SEM1: variants seen among roughly 807,000 people sequenced by gnomAD.
SEM1 encodes the protein SEM1 26S proteasome subunit, also known as 26S proteasome complex subunit SEM1.
Under a neutral mutation model 12.7 loss-of-function variants are expected in SEM1, and 3 were observed. The ratio of observed to expected loss-of-function variants is 0.24; its 90% CI spans 0.11 to 0.61. The LOEUF is 0.61. Among genes scored for constraint, SEM1 ranks in the 20% least tolerant of loss-of-function variants. The pLI is 0.88. For synonymous variants in SEM1, 30 were observed against 27.8 expected, an observed-to-expected ratio of 1.08 and a Z score of -0.25; for missense variants, 59 against 81.3, an observed-to-expected ratio of 0.73 and a Z score of 1.06.
At chr7:96,638,656 AT>A (rs1236355819) in intron 2 of SEM1, among the ~76,000 whole-genome samples, 2 of 151,926 alleles carry the variant, frequency 1.3e-5, no homozygotes, top group Non-Finnish European at 2.9e-5. Context: ...ATCCATTATT[AT>A]TTCCCCATAG....
chr7:96,638,746 G>A (rs762409949), intron 2 of SEM1, among the ~76,000 whole-genome samples: 32 of 151,788 alleles, frequency 2.1e-4, no homozygotes, highest in Non-Finnish European at 3.7e-4. Flanking sequence ...ATTCAGGAGT[G>A]GATTCTGAAT....
intron 2 of SEM1, chr7:96,649,345 T>C (rs904837493): frequency 6.6e-6 from 1 of 151,400 alleles, no homozygotes; most frequent in Non-Finnish European, 1.5e-5. Flanking sequence ...ATTGATAATT[T>C]TTCTCCAAAA....
At chr7:96,493,936 C>T (rs138646985) in intron 1 of SEM1, among the ~76,000 whole-genome samples, 13 of 152,312 alleles carry the variant, frequency 8.5e-5, no homozygotes, top group East Asian at 5.8e-4. Flanking sequence ...CACAACCACA[C>T]GCTAAACTTC....
intron 2 of SEM1, among the ~76,000 whole-genome samples, chr7:96,665,657 T>C (rs906770727): frequency 3.9e-5 from 6 of 152,220 alleles, no homozygotes; most frequent in African/African-American, 1.4e-4. Flanking sequence ...CACTTAAATG[T>C]TGGTCTCCAG....
At chr7:96,518,504 C>T (rs1309930072) in intron 2 of SEM1, among the ~76,000 whole-genome samples, 1 of 152,106 alleles carries the variant, frequency 6.6e-6, no homozygotes, top group Admixed American at 6.5e-5. Context: ...GATACTGTGA[C>T]CACTGATGTG....
chr7:96,619,221 T>A (rs1807810206), downstream of SEM1, among the ~76,000 whole-genome samples: 1 of 152,158 alleles, frequency 6.6e-6, no homozygotes, highest in Non-Finnish European at 1.5e-5. Context: ...GTAGCAGTTG[T>A]CTGTTCTAAT....
At position 96,709,799 on chromosome 7, in the gene SEM1, A is replaced by G. The variant is rs771490918; in HGVS notation, c.-36T>C. The G allele has an allele frequency of 5.2e-5, 84 of 1,607,320 alleles. No homozygotes were observed. The highest frequency in any genetic ancestry group is 6.9e-5 in the Non-Finnish European group (81 of 1,174,548). Reference sequence around the variant, plus strand: ...CGCGCCCAACACCTCCCAGATAAGCAGAAAAGTTGGAACCCTCACTCTTCC... The same window carrying G: ...CGCGCCCAACACCTCCCAGATAAGCGGAAAAGTTGGAACCCTCACTCTTCC... On this transcript the variant is annotated 5_prime_UTR_variant, in exon 1 of 3. Coordinates refer to ENST00000248566, the MANE Select transcript of SEM1 (RefSeq NM_006304.2).
At chr7:96,701,229 T>A (rs146085667) in intron 1 of SEM1, among the ~76,000 whole-genome samples, 1 of 152,222 alleles carries the variant, frequency 6.6e-6, no homozygotes, top group East Asian at 1.9e-4. Context: ...ACTAAATCTT[T>A]GTACCCTGGC....
At chr7:96,516,082 G>A (rs1250829027) in intron 2 of SEM1, among the ~76,000 whole-genome samples, 11 of 151,508 alleles carry the variant, frequency 7.3e-5, no homozygotes, top group South Asian at 4.2e-4. Context: ...CCTTATATAC[G>A]TCACAAAAAT....
At chr7:96,594,660 G>T (rs1806940243) in intron 2 of SEM1, among the ~76,000 whole-genome samples, 1 of 152,104 alleles carries the variant, frequency 6.6e-6, no homozygotes. Flanking sequence ...CTAACACTGA[G>T]AAACAAATTT....
intron 2 of SEM1, among the ~76,000 whole-genome samples, chr7:96,576,242 T>A (rs1806200665): frequency 6.6e-6 from 1 of 152,210 alleles, no homozygotes; most frequent in African/African-American, 2.4e-5. Flanking sequence ...TATTCAGTTC[T>A]GCTGAAAGTT....
Position 96,707,093 on chromosome 7 carries a change from CTT to C in SEM1, c.76+2593_76+2594del, listed in dbSNP as rs532913378. ...CTTTAATGTTTTTTCAAACATCTCT[CTT>C]AGGAATCCTGGTAAAGCCCACACTG... On this transcript the variant is annotated intron_variant, in intron 1 of 2. Transcript: ENST00000248566. Among the ~76,000 whole-genome samples, 195 of 152,288 alleles carry C rather than the reference CTT, an allele frequency of 1.3e-3. 1 individual carries two copies. The highest frequency in any genetic ancestry group is 4.5e-3 in the African/African-American group (189 of 41,560).
intron 1 of SEM1, among the ~76,000 whole-genome samples, chr7:96,705,544 T>A (rs944806808): frequency 2.0e-5 from 3 of 152,142 alleles, no homozygotes; most frequent in Admixed American, 1.3e-4. Flanking sequence ...TTAAATAAAT[T>A]AGGCTGGGCG....
At chr7:96,701,610 T>C (rs930224218) in intron 1 of SEM1, among the ~76,000 whole-genome samples, 1 of 152,164 alleles carries the variant, frequency 6.6e-6, no homozygotes, top group Non-Finnish European at 1.5e-5. Flanking sequence ...TTCATGACTC[T>C]AATAAATATT....
chr7:96,680,148 T>C (rs2115688861), intron 2 of SEM1, among the ~76,000 whole-genome samples: 1 of 152,212 alleles, frequency 6.6e-6, no homozygotes, highest in Admixed American at 6.6e-5. Context: ...TATAGCCTCC[T>C]AGAGTTCCCA....
At chr7:96,709,569 G>A (rs530061738) in intron 1 of SEM1, 119 bp downstream of exon 1, 3 of 901,600 alleles carry the variant, frequency 3.3e-6, no homozygotes, top group Non-Finnish European at 5.3e-6. Flanking sequence ...TCGAGTGCCG[G>A]CCCTGGGAGT....
At chr7:96,671,023 C>T (rs113007932), downstream of SEM1, among the ~76,000 whole-genome samples, 41 of 152,302 alleles carry the variant, frequency 2.7e-4, 1 homozygote, top group African/African-American at 9.1e-4. Context: ...TTGGTCTTCA[C>T]TTCTGCACTG....
chr7:96,671,412 C>G (rs1016229063), downstream of SEM1, among the ~76,000 whole-genome samples: 1 of 152,050 alleles, frequency 6.6e-6, no homozygotes, highest in Non-Finnish European at 1.5e-5. Flanking sequence ...TTATGAAGAA[C>G]TTTACTAGAT....
At position 96,557,325 on chromosome 7, in the gene SEM1, T is replaced by C. The variant is rs1280113280; in HGVS notation, c.171-50627A>G. Reference sequence around the variant, plus strand: ...TTTTTTCCCCATCGTTGTGGTTTTATCTACTTTTGGTCTTTGATGATGGTG... The same window carrying C: ...TTTTTTCCCCATCGTTGTGGTTTTACCTACTTTTGGTCTTTGATGATGGTG... On this transcript the variant is annotated intron_variant and NMD_transcript_variant, in intron 2 of 3. Coordinates refer to the SEM1 transcript ENST00000466986. 2.1e-5 allele frequency among the ~76,000 whole-genome samples: 3 copies of C among 145,574 alleles called. No individual in the cohort carries two copies. In the Admixed American group the frequency reaches 2.1e-4, roughly 10 times the overall value.
Sources: allele counts gnomAD v4.1 joint callset (sites outside exome capture counted in the v4.1 genomes callset), GRCh38; gene constraint gnomAD v4.1.1; transcripts MANE v1.5; gene names NCBI Gene and HGNC (gene_info 2026-07-23, HGNC 2026-07-21).